Variants in EIF4A1 observed in about 807,000 individuals in gnomAD.
EIF4A1 encodes the protein eukaryotic initiation factor 4A-I.
Under a neutral mutation model 53.5 loss-of-function variants are expected in EIF4A1, and 11 were observed. The observed-to-expected ratio is 0.21, with a 90% CI of 0.13 to 0.34. The LOEUF (loss-of-function observed/expected upper bound fraction) is 0.34, where lower values mean the gene tolerates loss of function less well. Ranked by LOEUF, EIF4A1 falls within the 10% of genes least tolerant of loss-of-function variation. The pLI, the probability that EIF4A1 is intolerant of heterozygous loss-of-function variation, is 1.00. For missense variants in EIF4A1, 213 were observed against 530.8 expected (o/e 0.40, Z 5.88); for synonymous variants, 237 against 186.7 (o/e 1.27, Z -2.20).
At chr17:7,578,141 G>A in intron 9 of EIF4A1, 24 bp from the exon 10 acceptor site, 1 of 1,614,142 alleles carries the variant, frequency 6.2e-7, no homozygotes, top group Non-Finnish European at 8.5e-7. Context: ...TGCACATGCT[G>A]AAGAGTTGTC....
In EIF4A1 at chr17:7,578,209, T is replaced by C. The variant is rs777518074; in HGVS notation, c.1041T>C (p.Tyr347=). Residue 347 remains tyrosine (Y), a synonymous_variant, in exon 10 of 11, where the codon TAT becomes TAC. Transcript: ENST00000293831. ...AGCAGGTTTCTTTAGTCATCAACTA[T>C]GACCTTCCCACCAACAGGGAAAACT... The part of the protein sequence containing the change: ...DVQQVSLVIN[Y]DLPTNRENYI... The C allele has an allele frequency of 3.7e-6, 6 of 1,614,230 alleles. No homozygotes were observed. Among genetic ancestry groups the C allele is most frequent in the East Asian group, 4.5e-5 (2 of 44,892 alleles).
In EIF4A1 at chr17:7,574,565, T is replaced by C. The variant is rs2071374855; in HGVS notation, c.92T>C (p.Val31Ala). 6.2e-7 allele frequency: 1 copy of C among 1,612,326 alleles called. No homozygotes were observed. Among genetic ancestry groups the C allele is most frequent in the Non-Finnish European group, 8.5e-7 (1 of 1,179,986 alleles). The change falls in exon 3 of 11, where the codon GTT (valine) becomes GCT (alanine). Residue 31 changes from valine (V) to alanine (A), a missense_variant. By Grantham distance (64) the Val-to-Ala change is moderately conservative. Around this residue, in one of 4 missense-constraint regions of EIF4A1, gnomAD observed 119 missense variants for 351.0 expected, o/e 0.34. Transcript: ENST00000293831. ...GVIESNWNEI[V>A]DSFDDMNLSE... ...CCCTAGAGTAACTGGAATGAGATTG[T>C]TGACAGCTTTGATGACATGAACCTC... is the stretch of plus-strand genomic sequence containing the variant.
chr17:7,575,385 A>G (rs779948430), intron 4 of EIF4A1, 127 bp downstream of exon 4: 25 of 1,331,704 alleles, frequency 1.9e-5, no homozygotes, highest in Non-Finnish European at 2.2e-5. Context: ...CACTCTCGAG[A>G]CCTGCTGGGT....
intron 1 of EIF4A1, 37 bp downstream of exon 1, chr17:7,572,901 T>C (rs1274323808): frequency 1.9e-6 from 3 of 1,614,074 alleles, no homozygotes; most frequent in Non-Finnish European, 2.5e-6. Flanking sequence ...TGGCTGCTTA[T>C]TTTGCCGCCC....
At chr17:7,574,199 T>A in intron 1 of EIF4A1, 61 bp from the exon 2 acceptor site, 1 of 1,604,612 alleles carries the variant, frequency 6.2e-7, no homozygotes, top group Non-Finnish European at 8.5e-7. Context: ...AGAGCCCGGC[T>A]GTCAGGATTT....
In EIF4A1 at chr17:7,572,877, T is replaced by C. The variant is rs750914819; in HGVS notation, c.23+13T>C. ...GCCAGGATTCCCGGTAAGAAAGGCA[T>C]TTGCAAGAGATTGTGGCTGCTTATT... On this transcript the variant is annotated intron_variant, in intron 1 of 10. Transcript: ENST00000293831. 1.2e-6 allele frequency: 2 copies of C among 1,614,134 alleles called. No individual in the cohort carries two copies. Among genetic ancestry groups the C allele is most frequent in the South Asian group, 2.2e-5 (2 of 91,090 alleles).
Position 7,577,200 on chromosome 17 carries a change from T to C in EIF4A1, c.624+35T>C. ...GTCTTGCTTGAATAGCTAATGATTCTTGAAAAATAGTAAGTGCCAGGGGAA... is the reference window on the plus strand; with the variant it reads ...GTCTTGCTTGAATAGCTAATGATTCCTGAAAAATAGTAAGTGCCAGGGGAA... On this transcript the variant is annotated intron_variant, in intron 6 of 10. Transcript: ENST00000293831. The surrounding 1 kb of genome is among the most constrained non-coding windows in gnomAD (Gnocchi z 4.7). 1.9e-6 allele frequency: 3 copies of C among 1,569,004 alleles called. No homozygotes were observed. Among genetic ancestry groups the C allele is most frequent in the South Asian group, 2.4e-5 (2 of 82,890 alleles).
At chr17:7,574,511 C>T in intron 2 of EIF4A1, 35 bp from the exon 3 acceptor site, 5 of 1,612,662 alleles carry the variant, frequency 3.1e-6, no homozygotes, top group Non-Finnish European at 2.5e-6. Context: ...CCACCTTTTC[C>T]ATGACTCAAG....
chr17:7,575,826 G>A (rs1030445329), intron 4 of EIF4A1: 3 of 208,020 alleles, frequency 1.4e-5, no homozygotes, highest in South Asian at 7.6e-5. Flanking sequence ...TCGTAGCTTG[G>A]GTCCTATGGC....
At position 7,577,298 on chromosome 17, in the gene EIF4A1, C is replaced by T; in HGVS notation, c.625-46C>T. ...GGTGTGGCTAGGGAAGGGAGCAGGCCTCAGGAAGGAACCAGCACTCTAAGA... is the reference window on the plus strand; with the variant it reads ...GGTGTGGCTAGGGAAGGGAGCAGGCTTCAGGAAGGAACCAGCACTCTAAGA... On this transcript the variant is annotated intron_variant, in intron 6 of 10. Transcript: ENST00000293831. The surrounding 1 kb of genome is among the most constrained non-coding windows in gnomAD (Gnocchi z 4.7). The T allele has an allele frequency of 3.1e-6, 5 of 1,608,616 alleles. No homozygotes were observed. The highest frequency in any genetic ancestry group is 4.2e-6 in the Non-Finnish European group (5 of 1,176,778).
chr17:7,576,760 G>A (rs1447740863), intron 5 of EIF4A1, 68 bp downstream of exon 5: 12 of 1,558,682 alleles, frequency 7.7e-6, no homozygotes, highest in Middle Eastern at 1.7e-4. Flanking sequence ...GTCTTTCAGC[G>A]TAAGCCAGAG....
rs767583327 is a variant in EIF4A1, at chr17:7,577,944, C to G, written c.996+28C>G. ...GAGTAGAGGGAACTGATAGCAAAGG[C>G]AGAAGGGAGGATCCAAGGTGATTCC... is the stretch of plus-strand genomic sequence containing the variant. On this transcript the variant is annotated intron_variant, in intron 9 of 10. Coordinates refer to ENST00000293831, the MANE Select transcript of EIF4A1 (RefSeq NM_001416.4). This position sits in a 1 kb window ranked among gnomAD's most constrained non-coding sequence, Gnocchi z 4.7. 3.7e-6 allele frequency: 6 copies of G among 1,613,412 alleles called. No individual in the cohort carries two copies. Among genetic ancestry groups the G allele is most frequent in the Non-Finnish European group, 3.4e-6 (4 of 1,179,386 alleles).
intron 1 of EIF4A1, chr17:7,573,235 T>C (rs968283077): frequency 1.1e-4 from 43 of 393,570 alleles, no homozygotes; most frequent in East Asian, 1.6e-4. Flanking sequence ...GTTGCCTCCC[T>C]GTGCCGGGGG....
At chr17:7,573,330 C>G (rs1281266210) in intron 1 of EIF4A1, 1 of 213,386 alleles carries the variant, frequency 4.7e-6, no homozygotes, top group African/African-American at 2.4e-5. Flanking sequence ...CCAGTCACTT[C>G]GTCGCGGCTA....
chr17:7,577,459 G>A lies in EIF4A1; in HGVS notation c.740G>A (p.Arg247His). Residue 247 changes from arginine to histidine, a missense_variant, in exon 7 of 11, where the codon CGC (arginine) becomes CAC (histidine). Transcript: ENST00000293831. This position sits in a 1 kb window ranked among gnomAD's most constrained non-coding sequence, Gnocchi z 4.7. ...KKEELTLEGI[R>H]QFYINVEREE... ...GAAGAGTTGACCCTGGAGGGTATCC[G>A]CCAGTTCTACATCAACGTGGAACGA... The A allele has an allele frequency of 6.2e-7, 1 of 1,614,102 alleles. No individual in the cohort carries two copies. Among genetic ancestry groups the A allele is most frequent in the Non-Finnish European group, 8.5e-7 (1 of 1,180,010 alleles).
chr17:7,574,514 G>T, intron 2 of EIF4A1, 32 bp from the exon 3 acceptor site: 1 of 1,612,722 alleles, frequency 6.2e-7, no homozygotes, highest in South Asian at 1.1e-5. Context: ...CCTTTTCCAT[G>T]ACTCAAGCTT....
rs1410897561 is a variant in EIF4A1, at chr17:7,577,727, C to G, written c.906+21C>G. The G allele has an allele frequency of 5.6e-6, 9 of 1,613,566 alleles. No individual in the cohort carries two copies. In the Admixed American group the frequency reaches 1.2e-4, roughly 21 times the overall value. Reference sequence around the variant, plus strand: ...CCATGGTGTGTTTGCCCGCTGCCAGCCTGTTGTGGGTCTGCCCGTCAGAAG... The same window carrying G: ...CCATGGTGTGTTTGCCCGCTGCCAGGCTGTTGTGGGTCTGCCCGTCAGAAG... On this transcript the variant is annotated intron_variant, in intron 8 of 10. Transcript: ENST00000293831. The surrounding 1 kb of genome is among the most constrained non-coding windows in gnomAD (Gnocchi z 4.7).
intron 2 of EIF4A1, 47 bp downstream of exon 2, chr17:7,574,355 A>G (rs781266464): frequency 1.9e-6 from 3 of 1,613,510 alleles, no homozygotes; most frequent in Non-Finnish European, 2.5e-6. Context: ...TACAACTTTC[A>G]GCCGTATAGA....
Position 7,574,694 on chromosome 17 carries a change from C to T in EIF4A1, c.205+16C>T. 1 of 1,612,210 alleles carries T rather than the reference C, an allele frequency of 6.2e-7. No individual in the cohort carries two copies. The highest frequency in any genetic ancestry group is 8.5e-7 in the Non-Finnish European group (1 of 1,180,010). ...TGTATCAAGGGTGAGACCTCTCAGT[C>T]CCAGAAGACATTGTGGACTGTCCCT... On this transcript the variant is annotated intron_variant, in intron 3 of 10. Coordinates refer to ENST00000293831, the MANE Select transcript of EIF4A1 (RefSeq NM_001416.4).
Sources: gnomAD v4.1 joint callset for allele counts on GRCh38, gnomAD v4.1.1 for gene constraint, gnomAD v4.1.1 regional missense constraint, Gnocchi (gnomAD v3.1) non-coding constraint, MANE v1.5 for transcripts, NCBI Gene and HGNC (gene_info 2026-07-23, HGNC 2026-07-21) for gene names.